Variants in TRPM1 observed in about 807,000 individuals in gnomAD.
The protein encoded by TRPM1 is TRPM1-203 APA Isoform, Intron 10.
TRPM1 carries 113 observed loss-of-function variants against 149.4 expected under a neutral mutation model. The ratio of observed to expected loss-of-function variants is 0.76; its 90% CI spans 0.65 to 0.88. The LOEUF (loss-of-function observed/expected upper bound fraction) is 0.88, where lower values mean the gene tolerates loss of function less well. Among genes scored for constraint, TRPM1 ranks in the 40% least tolerant of loss-of-function variants. The pLI is 0.00. For synonymous variants in TRPM1, 741 were observed against 759.5 expected (o/e 0.98, Z 0.40); for missense variants, 1,976 against 2,038.7 (o/e 0.97, Z 0.59).
chr15:31,089,957 G>A (rs978706373), intron 1 of TRPM1, among the ~76,000 whole-genome samples: 1 of 152,188 alleles, frequency 6.6e-6, no homozygotes, highest in South Asian at 2.1e-4. Flanking sequence ...ACTACGGTGT[G>A]TGTGTGTTTG....
At chr15:31,017,595 A>G (rs555086952) in intron 27 of TRPM1, among the ~76,000 whole-genome samples, 1 of 152,344 alleles carries the variant, frequency 6.6e-6, no homozygotes, top group Non-Finnish European at 1.5e-5. Flanking sequence ...GAATTAAATG[A>G]AACTGTGTGC....
intron 12 of TRPM1, among the ~76,000 whole-genome samples, 185 bp downstream of exon 12, chr15:31,050,224 C>A (rs1323610549): frequency 6.6e-6 from 1 of 152,178 alleles, no homozygotes; most frequent in Non-Finnish European, 1.5e-5. Context: ...GTGTTTTGGA[C>A]AACCGACAGG....
In TRPM1 at chr15:31,082,034, AAC is replaced by A. The variant is rs1046095971; in HGVS notation, c.-83-598_-83-597del. Among the ~76,000 whole-genome samples the A allele has an allele frequency of 7.2e-5, 11 of 152,154 alleles. 1 individual carries two copies. Among genetic ancestry groups the A allele is most frequent in the African/African-American group, 2.7e-4 (11 of 41,432 alleles). On this transcript the variant is annotated intron_variant, in intron 1 of 27. Coordinates refer to ENST00000256552, the MANE Select transcript of TRPM1 (RefSeq NM_001252024.2). Reference sequence around the variant, plus strand: ...ATGCCAAGGTCATAACAAATGGCTGAACCCACCCTGACTCCTTACAGATTGGT... The same window carrying A: ...ATGCCAAGGTCATAACAAATGGCTGACCACCCTGACTCCTTACAGATTGGT...
intron 13 of TRPM1, 59 bp from the exon 14 acceptor site, chr15:31,047,998 C>T (rs971175627): frequency 2.7e-6 from 4 of 1,480,082 alleles, no homozygotes; most frequent in Admixed American, 3.3e-5. Context: ...CGCGGTGGCT[C>T]ACGCCTGTAG....
upstream of TRPM1, among the ~76,000 whole-genome samples, chr15:31,103,680 G>A (rs1352712382): frequency 6.6e-6 from 1 of 151,936 alleles, no homozygotes; most frequent in Non-Finnish European, 1.5e-5. Context: ...GGCCATGGTG[G>A]TGGGTGCCTG....
intron 26 of TRPM1, 80 bp downstream of exon 26, chr15:31,026,835 G>T: frequency 6.8e-7 from 1 of 1,461,572 alleles, no homozygotes. Context: ...AAGTAGTTGA[G>T]TGAGATTTCT....
chr15:31,037,639 G>A lies in TRPM1; in HGVS notation c.2571+72C>T, dbSNP rs957328368. The stretch of plus-strand genomic sequence containing the variant: ...TTAGATACTTTTTTAAGCCCTTGAA[G>A]TTTTTCTTGATTCCAACATATCAAA... On this transcript the variant is annotated intron_variant, in intron 20 of 27. Transcript: ENST00000256552. The A allele has an allele frequency of 3.2e-5, 52 of 1,606,298 alleles. No homozygotes were observed. In the African/African-American group the frequency reaches 6.6e-4, roughly 20 times the overall value.
chr15:31,117,766 T>C (rs1273994146), intron 1 of TRPM1, among the ~76,000 whole-genome samples: 2 of 150,584 alleles, frequency 1.3e-5, no homozygotes, highest in African/African-American at 4.9e-5. Flanking sequence ...AAAGAGAAAC[T>C]CTAAGACATA....
intron 22 of TRPM1, 56 bp from the exon 23 acceptor site, chr15:31,031,213 C>T (rs1316025109): frequency 1.6e-5 from 26 of 1,596,690 alleles, no homozygotes; most frequent in Non-Finnish European, 2.1e-5. Flanking sequence ...CAAGTTCACC[C>T]TGGCTCATTA....
chr15:31,118,322 G>T (rs1403986824), intron 1 of TRPM1, among the ~76,000 whole-genome samples: 2 of 152,098 alleles, frequency 1.3e-5, no homozygotes, highest in Non-Finnish European at 2.9e-5. Context: ...AAATACCAGA[G>T]GGAGAAGAAA....
At chr15:31,081,176 C>CTG (rs1241671240) in intron 2 of TRPM1, among the ~76,000 whole-genome samples, 177 bp downstream of exon 2, 1 of 152,196 alleles carries the variant, frequency 6.6e-6, no homozygotes, top group Non-Finnish European at 1.5e-5. Context: ...CCAGCCCTTG[C>CTG]TGTGGCTCGG....
At chr15:31,043,405 G>A (rs990481472) in intron 16 of TRPM1, among the ~76,000 whole-genome samples, 1 of 152,076 alleles carries the variant, frequency 6.6e-6, no homozygotes, top group African/African-American at 2.4e-5. Flanking sequence ...TGTTAGCCAG[G>A]ATGGTCTCGA....
intron 3 of TRPM1, among the ~76,000 whole-genome samples, chr15:31,071,961 C>T (rs1458714426): frequency 8.3e-5 from 4 of 48,384 alleles, no homozygotes; most frequent in African/African-American, 3.0e-4. Context: ...GAGACTCCGT[C>T]TCAAAAAAAA....
At chr15:31,062,899 A>G in intron 8 of TRPM1, 197 bp from the exon 9 acceptor site, 1 of 972,320 alleles carries the variant, frequency 1.0e-6, no homozygotes, top group Admixed American at 2.1e-5. Flanking sequence ...TTCTAAGGGC[A>G]AATGAAGTTG....
intron 1 of TRPM1, among the ~76,000 whole-genome samples, chr15:31,122,142 T>C (rs923905293): frequency 6.6e-6 from 1 of 152,102 alleles, no homozygotes; most frequent in African/African-American, 2.4e-5. Flanking sequence ...CTGTATATAA[T>C]AAAAACTCTC....
chr15:31,144,739 T>C (rs2036203814), intron 1 of TRPM1, among the ~76,000 whole-genome samples: 1 of 141,328 alleles, frequency 7.1e-6, no homozygotes. Context: ...TTTTGAGACA[T>C]AGTTTCGCTC....
intron 1 of TRPM1, among the ~76,000 whole-genome samples, chr15:31,132,184 A>AGGCTTG (rs1457731400): frequency 3.3e-5 from 5 of 152,204 alleles, no homozygotes; most frequent in Non-Finnish European, 7.3e-5. Flanking sequence ...GTTGACCCCA[A>AGGCTTG]GGTTGGGCAC....
intron 18 of TRPM1, among the ~76,000 whole-genome samples, chr15:31,038,992 T>C (rs34428694): frequency 0.036 from 4,630 of 127,924 alleles, 181 homozygotes; most frequent in African/African-American, 0.11. Flanking sequence ...ATGCTTCCCC[T>C]TTTTTTTTTT....
chr15:31,042,025 G>A lies in TRPM1; in HGVS notation c.2013C>T (p.Tyr671=). The A allele has an allele frequency of 6.2e-7, 1 of 1,614,192 alleles. No individual in the cohort carries two copies. Among genetic ancestry groups the A allele is most frequent in the South Asian group, 1.1e-5 (1 of 91,078 alleles). ...CGGAGGACTCGTGGGCCATGGCCTT[G>A]TAGAGCTTGCAGGCCACCAGGGCCT... ...MAKALVACKL[Y]KAMAHESSES... Residue 671 remains tyrosine, a synonymous_variant, in exon 17 of 28, where the codon TAC becomes TAT. Transcript: ENST00000256552.
Sources: allele counts gnomAD v4.1 joint callset (sites outside exome capture counted in the v4.1 genomes callset), GRCh38; gene constraint gnomAD v4.1.1; transcripts MANE v1.5; gene names NCBI Gene and HGNC (gene_info 2026-07-23, HGNC 2026-07-21).